Variants in CLCN7 observed in about 807,000 individuals in gnomAD.
CLCN7 encodes Cl-/H+ antiporter 7, also known as H(+)/Cl(-) exchange transporter 7.
A neutral mutation model predicts 102.1 loss-of-function variants in CLCN7; 60 were observed. The observed-to-expected ratio is 0.59, with a 90% confidence interval of 0.48 to 0.73. CLCN7 has a LOEUF of 0.73. Among genes scored for constraint, CLCN7 ranks in the 30% least tolerant of loss-of-function variants. The probability of loss-of-function intolerance (pLI) is 0.00; values close to 1 mark genes in which losing one functional copy is unlikely to be tolerated. For missense variants in CLCN7, 962 were observed against 1,125.7 expected (o/e 0.85, Z 2.08); for synonymous variants, 560 against 490.5 (o/e 1.14, Z -1.87).
chr16:1,475,009 C>A lies in CLCN7; in HGVS notation c.-35G>T. ...CGGAGCGACACCGGCCGGGAAGCGC[C>A]GGCTGCCCCCGTGTTTGTTCTCGTG... On this transcript the variant is annotated 5_prime_UTR_variant, in exon 1 of 25. Transcript: ENST00000382745. The A allele has an allele frequency of 7.0e-7, 1 of 1,420,058 alleles. No homozygotes were observed. The highest frequency in any genetic ancestry group is 3.1e-5 in the East Asian group (1 of 32,470). 88.0% of individuals were successfully genotyped at this position (1,420,058 alleles called of 1,614,324 possible). A position where few individuals can be genotyped will look rare whatever the true frequency, so the allele number is the denominator to read the frequency against.
At chr16:1,459,003 G>A in intron 7 of CLCN7, 104 bp downstream of exon 7, 3 of 936,350 alleles carry the variant, frequency 3.2e-6, no homozygotes, top group Non-Finnish European at 4.9e-6. Context: ...CAGTACACAG[G>A]GTGGCTGAGG....
In CLCN7 at chr16:1,449,341, C is replaced by T; in HGVS notation, c.1618-14G>A. On this transcript the variant is annotated splice_polypyrimidine_tract_variant and intron_variant, in intron 17 of 24. Coordinates refer to ENST00000382745, the MANE Select transcript of CLCN7 (RefSeq NM_001287.6). Reference sequence around the variant, plus strand: ...GTCCGCCCAGATCTGTGGGAGGTGACACGGAGGAGGTGTCAGTGTGGTGGC... The same window carrying T: ...GTCCGCCCAGATCTGTGGGAGGTGATACGGAGGAGGTGTCAGTGTGGTGGC... The T allele has an allele frequency of 6.3e-7, 1 of 1,578,878 alleles. No individual in the cohort carries two copies. The highest frequency in any genetic ancestry group is 8.6e-7 in the Non-Finnish European group (1 of 1,162,596).
chr16:1,470,431 C>A (rs920527563), intron 1 of CLCN7, among the ~76,000 whole-genome samples: 5 of 152,196 alleles, frequency 3.3e-5, no homozygotes, highest in African/African-American at 1.2e-4. Flanking sequence ...CAGGACCAGG[C>A]TAGACGCTAG....
intron 16 of CLCN7, among the ~76,000 whole-genome samples, chr16:1,450,935 C>T (rs956909450): frequency 6.6e-6 from 1 of 152,138 alleles, no homozygotes; most frequent in Non-Finnish European, 1.5e-5. Flanking sequence ...GCGGGGCGGC[C>T]CAGCTGGGTC....
intron 1 of CLCN7, among the ~76,000 whole-genome samples, chr16:1,472,329 C>T (rs1176778748): frequency 1.3e-5 from 2 of 152,162 alleles, no homozygotes; most frequent in Admixed American, 1.3e-4. Context: ...CTCCTGGGTT[C>T]AAGCGATTCT....
chr16:1,446,825 G>T, intron 24 of CLCN7, 108 bp from the exon 25 acceptor site: 2 of 1,173,336 alleles, frequency 1.7e-6, no homozygotes, highest in Non-Finnish European at 2.5e-6. Flanking sequence ...GGCCCTGGGG[G>T]CTTCAGCACA....
intron 1 of CLCN7, chr16:1,471,673 T>A (rs901938203): frequency 2.0e-5 from 3 of 152,208 alleles, no homozygotes; most frequent in African/African-American, 7.2e-5. Flanking sequence ...GCGCTATGCA[T>A]GCGTTAACTT....
chr16:1,450,601 A>G lies in CLCN7; in HGVS notation c.1513T>C (p.Tyr505His). The change falls in exon 17 of 25, where the codon TAC becomes CAC. Residue 505 changes from tyrosine to histidine, a missense_variant. By Grantham distance (83) the Tyr-to-His change is moderately conservative (BLOSUM62 2). Coordinates refer to ENST00000382745, the MANE Select transcript of CLCN7 (RefSeq NM_001287.6). ...LVYFFLACWT[Y>H]GLTVSAGVFI... ...ACCCCGGCAGACACCGTGAGCCCGT[A>G]GGTCCAGCAGGCCAGGAAGAAGTAG... 2.5e-6 allele frequency: 4 copies of G among 1,612,616 alleles called. No individual in the cohort carries two copies. Among genetic ancestry groups the G allele is most frequent in the Non-Finnish European group, 3.4e-6 (4 of 1,179,794 alleles).
intron 9 of CLCN7, among the ~76,000 whole-genome samples, chr16:1,456,908 TG>T (rs1261558574): frequency 6.6e-6 from 1 of 151,932 alleles, no homozygotes; most frequent in Non-Finnish European, 1.5e-5. Context: ...GGGACTTTTT[TG>T]GGGAAAAAGT....
intron 17 of CLCN7, 172 bp from the exon 18 acceptor site, chr16:1,449,499 G>A: frequency 1.5e-6 from 1 of 649,654 alleles, no homozygotes; most frequent in African/African-American, 1.8e-5. Context: ...TGCTGCGGAG[G>A]CTGCATCCTT....
At position 1,449,036 on chromosome 16, in the gene CLCN7, T is replaced by C; in HGVS notation, c.1727A>G (p.Asn576Ser). Residue 576 changes from asparagine to serine, a missense_variant, in exon 19 of 25, where the codon AAC (asparagine) becomes AGC (serine). By Grantham distance (46) the Asn-to-Ser change is conservative. Coordinates refer to ENST00000382745, the MANE Select transcript of CLCN7 (RefSeq NM_001287.6). ...CATGATGGGGAAGCCGTAGGTCACG[T>C]TGCTGGTGGCCTCCATCATGATGAC... ...LTVIMMEATS[N>S]VTYGFPIMLV... 3.1e-6 allele frequency: 5 copies of C among 1,612,882 alleles called. No individual in the cohort carries two copies. The highest frequency in any genetic ancestry group is 4.2e-6 in the Non-Finnish European group (5 of 1,180,002).
Position 1,457,164 on chromosome 16 carries a change from G to T in CLCN7, c.822+90C>A. On this transcript the variant is annotated intron_variant, in intron 9 of 24. Transcript: ENST00000382745. The surrounding 1 kb of genome is among the most constrained non-coding windows in gnomAD (Gnocchi z 5.4). ...CAGATGGGGCTGGGGCTCTCGGCCT[G>T]GGGGTGCTGAGGGAAGCCCATCTCC... 8.2e-7 allele frequency: 1 copy of T among 1,220,428 alleles called. No individual in the cohort carries two copies. Among genetic ancestry groups the T allele is most frequent in the Non-Finnish European group, 1.2e-6 (1 of 824,698 alleles). 75.6% of individuals were successfully genotyped at this position (1,220,428 alleles called of 1,614,324 possible). A position where few individuals can be genotyped will look rare whatever the true frequency, so the allele number is the denominator to read the frequency against.
chr16:1,462,460 C>G (rs890442584), intron 2 of CLCN7, among the ~76,000 whole-genome samples: 1 of 145,522 alleles, frequency 6.9e-6, no homozygotes, highest in African/African-American at 2.5e-5. Context: ...ACTGCAACCT[C>G]CGCCTTCCAG....
chr16:1,467,077 G>A (rs1172364091), intron 1 of CLCN7, among the ~76,000 whole-genome samples: 3 of 152,068 alleles, frequency 2.0e-5, no homozygotes, highest in South Asian at 2.1e-4. Context: ...GGCCCTGGCA[G>A]GGGAAGGAAC....
chr16:1,451,969 T>TG (rs1226490971), intron 15 of CLCN7: 1 of 485,362 alleles, frequency 2.1e-6, no homozygotes, highest in Non-Finnish European at 3.8e-6. Flanking sequence ...TGTCTAGCCC[T>TG]GGGGGGTGGG....
intron 23 of CLCN7, 123 bp from the exon 24 acceptor site, chr16:1,447,209 G>A (rs925553084): frequency 2.2e-5 from 26 of 1,172,768 alleles, no homozygotes; most frequent in South Asian, 5.3e-5. Context: ...CCCCACGCCC[G>A]TCTGGCCAGC....
At chr16:1,454,012 G>A in intron 13 of CLCN7, 118 bp from the exon 14 acceptor site, 1 of 940,964 alleles carries the variant, frequency 1.1e-6, no homozygotes, top group Non-Finnish European at 1.7e-6. Context: ...GACGGCAGGG[G>A]GCTAGGGGGT....
chr16:1,457,160 G>T lies in CLCN7; in HGVS notation c.822+94C>A. ...TCCTCAGATGGGGCTGGGGCTCTCG[G>T]CCTGGGGGTGCTGAGGGAAGCCCAT... is the stretch of plus-strand genomic sequence containing the variant. On this transcript the variant is annotated intron_variant, in intron 9 of 24. Transcript: ENST00000382745. The surrounding 1 kb of genome is among the most constrained non-coding windows in gnomAD (Gnocchi z 5.4). The T allele has an allele frequency of 3.3e-6, 4 of 1,198,956 alleles. No individual in the cohort carries two copies. Among genetic ancestry groups the T allele is most frequent in the Non-Finnish European group, 5.0e-6 (4 of 806,458 alleles). The allele number at this position is 1,198,956 out of a possible 1,614,324, so 74.3% of individuals were successfully genotyped here.
intron 20 of CLCN7, 49 bp from the exon 21 acceptor site, chr16:1,448,533 C>T (rs760509038): frequency 1.9e-5 from 31 of 1,603,930 alleles, no homozygotes; most frequent in Middle Eastern, 3.4e-4. Context: ...CACCAACTCC[C>T]ACAGTTACCT....
Sources: allele counts gnomAD v4.1 joint callset (sites outside exome capture counted in the v4.1 genomes callset), GRCh38; gene constraint gnomAD v4.1.1; non-coding constraint Gnocchi (gnomAD v3.1); transcripts MANE v1.5; gene names NCBI Gene and HGNC (gene_info 2026-07-23, HGNC 2026-07-21).